The following RRP15 variants were observed in gnomAD, a reference collection of about 807,000 sequenced individuals.
The protein encoded by RRP15 is RRP15-like protein.
A neutral mutation model predicts 27.1 loss-of-function variants in RRP15; 18 were observed. The ratio of observed to expected loss-of-function variants is 0.66; its 90% CI spans 0.46 to 0.98. RRP15 has a LOEUF of 0.98. RRP15 is among the 50% of genes least tolerant of loss of function. RRP15 has a pLI of 0.00. For missense variants in RRP15, 359 were observed against 337.8 expected, an observed-to-expected ratio of 1.06 and a Z score of -0.49; for synonymous variants, 107 against 109.4, an observed-to-expected ratio of 0.98 and a Z score of 0.14.
intron 4 of RRP15, among the ~76,000 whole-genome samples, chr1:218,321,371 C>T (rs1342052985): frequency 6.6e-6 from 1 of 152,172 alleles, no homozygotes; most frequent in Non-Finnish European, 1.5e-5. Context: ...ATCAGTGCTG[C>T]CTTGCAGCAA....
rs1297625785 is a variant in RRP15, at chr1:218,302,382, A to G, written c.228A>G (p.Lys76=). The stretch of plus-strand genomic sequence containing the variant: ...AGGGTGATGCTGAGCCCTGTGACAA[A>G]GAAAATGAAAATGATGGAGAATCAA... ...DSEGDAEPCD[K]ENENDGESSV... Residue 76 remains lysine, a synonymous_variant, in exon 2 of 5, where the codon AAA becomes AAG. Coordinates refer to ENST00000366932, the MANE Select transcript of RRP15 (RefSeq NM_016052.4). The G allele has an allele frequency of 1.2e-6, 2 of 1,614,160 alleles. No homozygotes were observed. The highest frequency in any genetic ancestry group is 2.2e-5 in the East Asian group (1 of 44,868).
In RRP15 at chr1:218,333,952, C is replaced by A; in HGVS notation, c.*2861C>A. The A allele has an allele frequency of 6.6e-6, 1 of 151,976 alleles. No homozygotes were observed. The highest frequency in any genetic ancestry group is 1.5e-5 in the Non-Finnish European group (1 of 68,002). The allele number at this position is 151,976 out of a possible 1,614,324, so 9.4% of individuals were successfully genotyped here. Reference sequence around the variant, plus strand: ...AGAAAGAACTATGGAAAATAGGAACCAATAATTTGGAAGTATTATTTCCTT... The same window carrying A: ...AGAAAGAACTATGGAAAATAGGAACAAATAATTTGGAAGTATTATTTCCTT... On this transcript the variant is annotated 3_prime_UTR_variant, in exon 5 of 5. Coordinates refer to ENST00000366932, the MANE Select transcript of RRP15 (RefSeq NM_016052.4).
intron 4 of RRP15, among the ~76,000 whole-genome samples, chr1:218,330,603 G>A (rs1656350440): frequency 6.6e-6 from 1 of 152,090 alleles, no homozygotes; most frequent in Non-Finnish European, 1.5e-5. Context: ...AGGTTAAATA[G>A]TATTGTAAGT....
At position 218,336,500 on chromosome 1, in the gene RRP15, G is replaced by A. The variant is rs1216650724; in HGVS notation, c.*5409G>A. ...AGAGCTGTGTCCCTATGCGTGGGTGGCCTTGCAGCTGTTGATTCACCCTCA... is the reference window on the plus strand; with the variant it reads ...AGAGCTGTGTCCCTATGCGTGGGTGACCTTGCAGCTGTTGATTCACCCTCA... On this transcript the variant is annotated 3_prime_UTR_variant, in exon 5 of 5. Transcript: ENST00000366932. The A allele has an allele frequency of 6.6e-6, 1 of 152,588 alleles. No individual in the cohort carries two copies. The highest frequency in any genetic ancestry group is 1.5e-5 in the Non-Finnish European group (1 of 68,044). 9.5% of individuals were successfully genotyped at this position (152,588 alleles called of 1,614,324 possible).
chr1:218,322,892 G>A (rs1167320404), intron 4 of RRP15, among the ~76,000 whole-genome samples: 1 of 152,160 alleles, frequency 6.6e-6, no homozygotes, highest in African/African-American at 2.4e-5. Context: ...CAAGAGCGAG[G>A]GATGTATGAG....
At chr1:218,295,787 T>C (rs149008496) in intron 1 of RRP15, among the ~76,000 whole-genome samples, 1 of 152,350 alleles carries the variant, frequency 6.6e-6, no homozygotes, top group East Asian at 1.9e-4. Flanking sequence ...CCAGAGTCTA[T>C]CTGTTTTGGC....
chr1:218,325,201 G>A (rs528778458), intron 4 of RRP15, among the ~76,000 whole-genome samples: 2 of 152,312 alleles, frequency 1.3e-5, no homozygotes, highest in South Asian at 2.1e-4. Context: ...TCAGCATGCC[G>A]TCCCACGGAG....
At chr1:218,289,197 AC>A (rs1217430788) in intron 1 of RRP15, among the ~76,000 whole-genome samples, 1 of 152,118 alleles carries the variant, frequency 6.6e-6, no homozygotes, top group Non-Finnish European at 1.5e-5. Context: ...AAGTTTTCCC[AC>A]CTTTGGTAAT....
At position 218,335,621 on chromosome 1, in the gene RRP15, A is replaced by C. The variant is rs776095751; in HGVS notation, c.*4530A>C. The C allele has an allele frequency of 6.6e-6, 1 of 152,190 alleles. No individual in the cohort carries two copies. 9.4% of individuals were successfully genotyped at this position (152,190 alleles called of 1,614,324 possible). A position where few individuals can be genotyped will look rare whatever the true frequency, so the allele number is the denominator to read the frequency against. The stretch of plus-strand genomic sequence containing the variant: ...TTTTTAATTTTACTTAATTACTTTA[A>C]ATTTTAAAAGTTACACGTGGCTAGT... On this transcript the variant is annotated 3_prime_UTR_variant, in exon 5 of 5. Coordinates refer to ENST00000366932, the MANE Select transcript of RRP15 (RefSeq NM_016052.4).
intron 4 of RRP15, among the ~76,000 whole-genome samples, chr1:218,310,435 A>G (rs1297828807): frequency 1.3e-5 from 2 of 152,200 alleles, no homozygotes; most frequent in Non-Finnish European, 2.9e-5. Context: ...TGTGTTATTC[A>G]GTTTTGACAT....
chr1:218,306,939 A>G (rs942288259), intron 3 of RRP15, among the ~76,000 whole-genome samples: 1 of 152,236 alleles, frequency 6.6e-6, no homozygotes, highest in African/African-American at 2.4e-5. Flanking sequence ...CACTAGCCAC[A>G]TGTGGCTTGT....
intron 3 of RRP15, 39 bp downstream of exon 3, chr1:218,305,164 T>G: frequency 4.8e-6 from 7 of 1,459,466 alleles, no homozygotes; most frequent in Non-Finnish European, 6.7e-6. Context: ...ATAAGTATAC[T>G]AAAGCTATCA....
intron 4 of RRP15, among the ~76,000 whole-genome samples, chr1:218,307,923 GGAAATAATGGTA>G (rs1393451287): frequency 6.6e-6 from 1 of 151,986 alleles, no homozygotes; most frequent in African/African-American, 2.4e-5. Context: ...GAGAGTTTTA[GGAAATAATGGTA>G]GAAAGTCATT....
chr1:218,292,104 G>A lies in RRP15; in HGVS notation c.139+6649G>A, dbSNP rs376791487. Among the ~76,000 whole-genome samples the A allele has an allele frequency of 3.3e-5, 5 of 152,306 alleles. No individual in the cohort carries two copies. In the East Asian group the frequency reaches 9.7e-4, roughly 29 times the overall value. On this transcript the variant is annotated intron_variant, in intron 1 of 4. Transcript: ENST00000366932. ...TCCTGCCTCGGCCTCCCGAAGTGTT[G>A]GGATTACAGGCATGAGCCACTGCAC...
At chr1:218,314,628 G>GT (rs1004993419) in intron 4 of RRP15, among the ~76,000 whole-genome samples, 10 of 151,224 alleles carry the variant, frequency 6.6e-5, no homozygotes, top group East Asian at 1.9e-4. Flanking sequence ...TCAATTTCAG[G>GT]TTTTTTTTTA....
chr1:218,309,682 CAAAAAAAAAA>C (rs751452477), intron 4 of RRP15, among the ~76,000 whole-genome samples: 1 of 22,506 alleles, frequency 4.4e-5, no homozygotes, highest in South Asian at 2.0e-3. Context: ...GACTCCATCT[CAAAAAAAAAA>C]AAAAAAAAAA....
At chr1:218,315,660 C>T (rs116810238) in intron 4 of RRP15, among the ~76,000 whole-genome samples, 4,445 of 150,432 alleles carry the variant, frequency 0.03, 86 homozygotes, top group East Asian at 0.074. Context: ...ACCATGTTGG[C>T]CAGGCTGGTC....
chr1:218,314,656 A>T (rs374484507), intron 4 of RRP15, among the ~76,000 whole-genome samples: 1 of 152,138 alleles, frequency 6.6e-6, no homozygotes, highest in Non-Finnish European at 1.5e-5. Flanking sequence ...AACTGAAATT[A>T]TAATTTTATA....
chr1:218,289,335 A>G (rs1444036416), intron 1 of RRP15, among the ~76,000 whole-genome samples: 1 of 152,230 alleles, frequency 6.6e-6, no homozygotes, highest in African/African-American at 2.4e-5. Context: ...TGCTTCCAGT[A>G]TATCATATTG....
Sources: gnomAD v4.1 joint callset for allele counts (sites outside exome capture counted in the v4.1 genomes callset) on GRCh38, gnomAD v4.1.1 for gene constraint, MANE v1.5 for transcripts, NCBI Gene and HGNC (gene_info 2026-07-23, HGNC 2026-07-21) for gene names.